PRKD1: variants seen among roughly 807,000 people sequenced by gnomAD.
PRKD1 encodes the protein protein kinase D1, also known as serine/threonine-protein kinase D1.
A neutral mutation model predicts 95.9 loss-of-function variants in PRKD1; 63 were observed. The observed-to-expected ratio is 0.66, with a 90% CI of 0.54 to 0.81. The LOEUF (loss-of-function observed/expected upper bound fraction) is 0.81. Ranked by LOEUF, PRKD1 falls within the 30% of genes least tolerant of loss-of-function variation. The pLI, the probability that PRKD1 is intolerant of heterozygous loss-of-function variation, is 0.00. For synonymous variants in PRKD1, 425 were observed against 423.1 expected (o/e 1.00, Z -0.05); for missense variants, 1,048 against 1,165.3 (o/e 0.90, Z 1.47).
At chr14:29,745,499 T>C (rs1887173490) in intron 1 of PRKD1, among the ~76,000 whole-genome samples, 1 of 152,168 alleles carries the variant, frequency 6.6e-6, no homozygotes, top group Admixed American at 6.5e-5. Context: ...GATAGAGTCT[T>C]GATGCATCAC....
intron 1 of PRKD1, among the ~76,000 whole-genome samples, chr14:29,920,015 GGGAAGGAAGGAAGGAAGGAAGGAA>G (rs398043721): frequency 9.6e-6 from 1 of 104,392 alleles, no homozygotes; most frequent in East Asian, 2.7e-4. Flanking sequence ...GAAGGAAGGA[GGGAAGGAAGGAAGGAAGGAAGGAA>G]GGAAGGAAGG....
intron 2 of PRKD1, among the ~76,000 whole-genome samples, chr14:29,690,608 A>G (rs143263660): frequency 7.3e-4 from 111 of 152,148 alleles, no homozygotes; most frequent in African/African-American, 2.6e-3. Context: ...TCCTTTTCCA[A>G]TATATTCTCA....
chr14:29,716,050 A>C (rs1003917687), intron 2 of PRKD1, among the ~76,000 whole-genome samples: 1 of 152,174 alleles, frequency 6.6e-6, no homozygotes, highest in Non-Finnish European at 1.5e-5. Context: ...CCATTCTAAG[A>C]AGCAAATATA....
At chr14:29,718,760 G>T (rs1885744287) in intron 2 of PRKD1, among the ~76,000 whole-genome samples, 1 of 152,110 alleles carries the variant, frequency 6.6e-6, no homozygotes, top group African/African-American at 2.4e-5. Flanking sequence ...AGCATTGAAG[G>T]CCAGGTCTTA....
intron 9 of PRKD1, among the ~76,000 whole-genome samples, chr14:29,631,882 A>C (rs968225631): frequency 6.6e-6 from 1 of 151,526 alleles, no homozygotes; most frequent in Admixed American, 6.6e-5. Context: ...GCTCGCTGCA[A>C]ACTCCGCCTC....
intron 16 of PRKD1, among the ~76,000 whole-genome samples, chr14:29,587,460 A>T (rs1892975976): frequency 6.6e-6 from 1 of 152,230 alleles, no homozygotes; most frequent in Non-Finnish European, 1.5e-5. Flanking sequence ...TATGATGTAC[A>T]TTCAGAAGTG....
chr14:29,678,742 T>C (rs1240746956), intron 2 of PRKD1, among the ~76,000 whole-genome samples: 2 of 152,218 alleles, frequency 1.3e-5, no homozygotes, highest in East Asian at 3.9e-4. Flanking sequence ...TTTCAATACT[T>C]AACTAAATTT....
intron 4 of PRKD1, among the ~76,000 whole-genome samples, chr14:29,654,750 G>A (rs1881739271): frequency 6.6e-6 from 1 of 152,156 alleles, no homozygotes; most frequent in African/African-American, 2.4e-5. Context: ...AGACATAAAA[G>A]TGTAAACTGA....
At chr14:29,777,619 T>C (rs1888828759) in intron 1 of PRKD1, among the ~76,000 whole-genome samples, 1 of 152,162 alleles carries the variant, frequency 6.6e-6, no homozygotes, top group Non-Finnish European at 1.5e-5. Flanking sequence ...ATGAACCCAA[T>C]ACGGGAGCAC....
At chr14:29,817,069 C>T (rs1890722330) in intron 1 of PRKD1, among the ~76,000 whole-genome samples, 1 of 152,156 alleles carries the variant, frequency 6.6e-6, no homozygotes, top group African/African-American at 2.4e-5. Context: ...TTGGCTTCAG[C>T]ATTTTTGCAA....
rs540455703 is a variant in PRKD1, at chr14:29,652,314, T to C, written c.696+11385A>G. Among the ~76,000 whole-genome samples the C allele has an allele frequency of 5.3e-5, 8 of 152,302 alleles. No individual in the cohort carries two copies. In the East Asian group the frequency reaches 1.4e-3, roughly 26 times the overall value. The stretch of plus-strand genomic sequence containing the variant: ...TTTTTAAGACCTATATATTAGTAAG[T>C]GTGAGGCAATTGGTATATGATGCCA... On this transcript the variant is annotated intron_variant, in intron 4 of 17. Coordinates refer to ENST00000331968, the MANE Select transcript of PRKD1 (RefSeq NM_002742.3).
intron 1 of PRKD1, among the ~76,000 whole-genome samples, chr14:29,805,682 TTAA>T (rs1348215893): frequency 6.6e-6 from 1 of 151,788 alleles, no homozygotes; most frequent in Non-Finnish European, 1.5e-5. Context: ...CAAGGAGAGG[TTAA>T]AAAACTTGTC....
chr14:29,752,760 G>T (rs1887536986), intron 1 of PRKD1, among the ~76,000 whole-genome samples: 2 of 151,958 alleles, frequency 1.3e-5, no homozygotes, highest in Non-Finnish European at 2.9e-5. Flanking sequence ...CTGTTTGTGT[G>T]CAATCATCAA....
At chr14:29,611,746 CAA>C (rs368153834) in intron 13 of PRKD1, among the ~76,000 whole-genome samples, 1 of 136,580 alleles carries the variant, frequency 7.3e-6, no homozygotes, top group African/African-American at 2.8e-5. Flanking sequence ...GAATTATTAC[CAA>C]AAAAAAAAAA....
chr14:29,890,207 T>C (rs1893891899), intron 1 of PRKD1, among the ~76,000 whole-genome samples: 1 of 152,230 alleles, frequency 6.6e-6, no homozygotes, highest in Non-Finnish European at 1.5e-5. Flanking sequence ...GTTTCTGGCA[T>C]GTTCAGTTAT....
intron 1 of PRKD1, among the ~76,000 whole-genome samples, chr14:29,859,433 C>T (rs113280168): frequency 0.043 from 6,557 of 152,048 alleles, 484 homozygotes; most frequent in African/African-American, 0.15. Context: ...ACGGTGAAAA[C>T]CCATCTCTAC....
At position 29,630,831 on chromosome 14, in the gene PRKD1, A is replaced by G. The variant is rs1176682423; in HGVS notation, c.1583T>C (p.Val528Ala). The change falls in exon 10 of 18, where the codon GTG becomes GCG. Residue 528 changes from valine to alanine, a missense_variant. Physicochemically the swap from Val to Ala is moderately conservative, Grantham distance 64. Transcript: ENST00000331968. ...SVLTSGVGAD[V>A]ARMWEIAIQH... Reference sequence around the variant, plus strand: ...GATGGCTATCTCCCACATCCTGGCCACATCTGCACCAACGCCACTGGTGAG... The same window carrying G: ...GATGGCTATCTCCCACATCCTGGCCGCATCTGCACCAACGCCACTGGTGAG... The G allele has an allele frequency of 1.2e-6, 2 of 1,614,026 alleles. No individual in the cohort carries two copies. Among genetic ancestry groups the G allele is most frequent in the African/African-American group, 2.7e-5 (2 of 74,912 alleles).
At chr14:29,658,758 G>A (rs1275858859) in intron 4 of PRKD1, among the ~76,000 whole-genome samples, 1 of 152,098 alleles carries the variant, frequency 6.6e-6, no homozygotes, top group Non-Finnish European at 1.5e-5. Flanking sequence ...TGTTTATTAT[G>A]CAAATGAATA....
intron 1 of PRKD1, among the ~76,000 whole-genome samples, chr14:29,879,428 C>T (rs896497051): frequency 3.9e-5 from 6 of 152,162 alleles, no homozygotes; most frequent in East Asian, 1.9e-4. Context: ...GCTGCCACCA[C>T]GTAAGAAGTA....
Sources: allele counts gnomAD v4.1 joint callset (sites outside exome capture counted in the v4.1 genomes callset), GRCh38; gene constraint gnomAD v4.1.1; transcripts MANE v1.5; gene names NCBI Gene and HGNC (gene_info 2026-07-23, HGNC 2026-07-21).